Variants in SPATA13 observed in about 807,000 individuals in gnomAD.
The protein encoded by SPATA13 is spermatogenesis associated 13.
A neutral mutation model predicts 104.0 loss-of-function variants in SPATA13; 50 were observed. The ratio of observed to expected loss-of-function variants is 0.48; its 90% CI spans 0.38 to 0.61. The LOEUF (loss-of-function observed/expected upper bound fraction) is 0.61. Among genes scored for constraint, SPATA13 ranks in the 20% least tolerant of loss-of-function variants. The pLI is 0.00. For synonymous variants in SPATA13, 606 were observed against 667.5 expected (o/e 0.91, Z 1.42); for missense variants, 1,524 against 1,690.6 (o/e 0.90, Z 1.73).
chr13:24,191,801 C>T (rs1348367746), intron 1 of SPATA13, among the ~76,000 whole-genome samples: 2 of 152,048 alleles, frequency 1.3e-5, no homozygotes, highest in South Asian at 2.1e-4. Context: ...TGAGCCACTG[C>T]GACCAGCTAC....
At chr13:23,996,994 T>C (rs1875727391) in intron 2 of SPATA13, among the ~76,000 whole-genome samples, 2 of 152,164 alleles carry the variant, frequency 1.3e-5, no homozygotes, top group African/African-American at 2.4e-5. Flanking sequence ...AGAGAGCCCA[T>C]TGCTCTTCCC....
chr13:23,987,069 C>T (rs1875182821), intron 2 of SPATA13, among the ~76,000 whole-genome samples: 1 of 84,390 alleles, frequency 1.2e-5, no homozygotes, highest in Non-Finnish European at 2.6e-5. Flanking sequence ...AGGCCTACCC[C>T]ATAGGCAGTG....
chr13:24,152,106 G>C (rs1411848338), intron 3 of SPATA13, among the ~76,000 whole-genome samples: 1 of 152,214 alleles, frequency 6.6e-6, no homozygotes, highest in African/African-American at 2.4e-5. Flanking sequence ...AAATACCTTA[G>C]ACTCAGTAAT....
chr13:24,021,990 C>T (rs983926568), intron 3 of SPATA13, among the ~76,000 whole-genome samples: 14 of 151,694 alleles, frequency 9.2e-5, no homozygotes, highest in Non-Finnish European at 2.1e-4. Flanking sequence ...GGATTACAGG[C>T]GTGAGCCACT....
At chr13:24,029,292 T>C (rs1482400995) in intron 3 of SPATA13, among the ~76,000 whole-genome samples, 4 of 152,208 alleles carry the variant, frequency 2.6e-5, no homozygotes, top group Admixed American at 2.6e-4. Context: ...GAAATAATTT[T>C]TGTTTGCTTT....
chr13:24,052,903 G>GT (rs907593559), intron 3 of SPATA13, among the ~76,000 whole-genome samples: 11 of 83,674 alleles, frequency 1.3e-4, no homozygotes, highest in African/African-American at 4.7e-4. Flanking sequence ...GTGGAAAATT[G>GT]TTTCACTTAG....
intron 3 of SPATA13, among the ~76,000 whole-genome samples, chr13:24,062,392 G>A (rs1418765954): frequency 6.6e-6 from 1 of 152,214 alleles, no homozygotes; most frequent in Non-Finnish European, 1.5e-5. Context: ...AGGACGAAGA[G>A]AGCTGAGGGC....
chr13:24,084,094 G>A lies in SPATA13; in HGVS notation c.-112+66393G>A, dbSNP rs529048220. ...TCCTTCTTCTCAGAAAGAGAAAGGG[G>A]GAGAAAGAGAGAGCCGTGACTAGAA... On this transcript the variant is annotated intron_variant, in intron 3 of 14. Transcript: ENST00000424834. 2.5e-4 allele frequency among the ~76,000 whole-genome samples: 38 copies of A among 150,756 alleles called. No homozygotes were observed. In the South Asian group the frequency reaches 7.5e-3, roughly 30 times the overall value.
At chr13:24,246,893 G>A (rs1873172632) in intron 2 of SPATA13, among the ~76,000 whole-genome samples, 1 of 152,118 alleles carries the variant, frequency 6.6e-6, no homozygotes, top group Non-Finnish European at 1.5e-5. Flanking sequence ...GAGGTGGTTA[G>A]AATTTAAGCA....
At chr13:24,261,501 T>C (rs1874061696) in intron 4 of SPATA13, among the ~76,000 whole-genome samples, 1 of 152,154 alleles carries the variant, frequency 6.6e-6, no homozygotes, top group Non-Finnish European at 1.5e-5. Context: ...AAAGTGGTTC[T>C]TAAAACTCTA....
intron 11 of SPATA13, among the ~76,000 whole-genome samples, chr13:24,299,863 T>C (rs1877061812): frequency 6.6e-6 from 1 of 152,228 alleles, no homozygotes; most frequent in South Asian, 2.1e-4. Flanking sequence ...GTTCACACAC[T>C]GCACACGTAC....
chr13:24,120,026 A>T (rs1411507741), intron 3 of SPATA13, among the ~76,000 whole-genome samples: 1 of 152,100 alleles, frequency 6.6e-6, no homozygotes, highest in Non-Finnish European at 1.5e-5. Context: ...ACAAGAAACA[A>T]TCACCAAATG....
At chr13:24,121,975 G>C (rs1326766320) in intron 3 of SPATA13, 2 of 860,878 alleles carry the variant, frequency 2.3e-6, no homozygotes, top group African/African-American at 3.3e-5. Flanking sequence ...CATTAGTTTA[G>C]AGTAGATAAC....
chr13:24,251,837 C>A lies in SPATA13; in HGVS notation c.2139C>A (p.Arg713=). 6.2e-7 allele frequency: 1 copy of A among 1,613,928 alleles called. No individual in the cohort carries two copies. The highest frequency in any genetic ancestry group is 8.5e-7 in the Non-Finnish European group (1 of 1,179,900). ...CCATTGGGTTGGACCGTGTGGGACG[C>A]CGGCGGCAGATGAGAGCATCCAACG... The part of the protein sequence containing the change: ...STPIGLDRVG[R]RRQMRASNVS... Residue 713 remains arginine, a synonymous_variant, in exon 4 of 13, where the codon CGC becomes CGA. Coordinates refer to ENST00000382108, the MANE Select transcript of SPATA13 (RefSeq NM_001166271.3).
chr13:24,063,589 T>C (rs977965056), intron 3 of SPATA13, among the ~76,000 whole-genome samples: 1 of 152,140 alleles, frequency 6.6e-6, no homozygotes, highest in East Asian at 1.9e-4. Flanking sequence ...CTCCATGTCC[T>C]TGCTGAACTG....
At chr13:24,005,368 G>A (rs936049078) in intron 2 of SPATA13, among the ~76,000 whole-genome samples, 1 of 152,212 alleles carries the variant, frequency 6.6e-6, no homozygotes, top group African/African-American at 2.4e-5. Context: ...TTGGAGGGTT[G>A]CCTTGCTTCT....
In SPATA13 at chr13:24,251,744, TCA is replaced by T; in HGVS notation, c.2048_2049del (p.His683ProfsTer46). 6.2e-7 allele frequency: 1 copy of T among 1,614,176 alleles called. No individual in the cohort carries two copies. ...QPASRPPMPA[H>X]QVPPYKAVSA... The stretch of plus-strand genomic sequence containing the variant: ...CGGCTTCCAGGCCGCCCATGCCTGC[TCA>T]CCAGGTGCCACCCTACAAGGCTGTG... On this transcript the variant is annotated frameshift_variant, in exon 4 of 13. Transcript: ENST00000382108. LOFTEE classifies it high-confidence loss of function.
chr13:23,994,030 C>T (rs1408926280), intron 2 of SPATA13, among the ~76,000 whole-genome samples: 3 of 145,652 alleles, frequency 2.1e-5, no homozygotes, highest in African/African-American at 5.1e-5. Context: ...ATGAAATGTC[C>T]TTCTCAATTA....
In SPATA13 at chr13:24,161,444, G is replaced by T. The variant is rs984219413; in HGVS notation, c.-112+512G>T. ...AAAGCAAGTTTCTCTTGGTACCAGC[G>T]GAGTCTCGTCCCAGGGGAAAGATTT... On this transcript the variant is annotated intron_variant, in intron 1 of 12. Transcript: ENST00000382108. This position sits in a 1 kb window ranked among gnomAD's most constrained non-coding sequence, Gnocchi z 4.5. 2.0e-5 allele frequency among the ~76,000 whole-genome samples: 3 copies of T among 152,174 alleles called. No individual in the cohort carries two copies. Among genetic ancestry groups the T allele is most frequent in the African/African-American group, 4.8e-5 (2 of 41,442 alleles).
Sources: allele counts gnomAD v4.1 joint callset (sites outside exome capture counted in the v4.1 genomes callset), GRCh38; gene constraint gnomAD v4.1.1; non-coding constraint Gnocchi (gnomAD v3.1); transcripts MANE v1.5; gene names NCBI Gene and HGNC (gene_info 2026-07-23, HGNC 2026-07-21).